The following USO1 variants were observed in gnomAD, a reference collection of about 807,000 sequenced individuals.
The protein encoded by USO1 is USO1 vesicle transport factor, also known as general vesicular transport factor p115.
In USO1, 57 loss-of-function variants were observed where a neutral mutation model predicts 124.5. The ratio of observed to expected loss-of-function variants is 0.46; its 90% CI spans 0.37 to 0.57. USO1 has a LOEUF of 0.57. USO1 is among the 20% of genes least tolerant of loss of function. USO1 has a pLI of 0.00. For synonymous variants in USO1, 369 were observed against 362.8 expected (o/e 1.02, Z -0.19); for missense variants, 900 against 1,040.6 (o/e 0.86, Z 1.86).
intron 4 of USO1, among the ~76,000 whole-genome samples, chr4:75,763,233 A>AC (rs1721672970): frequency 1.3e-5 from 2 of 152,212 alleles, no homozygotes; most frequent in African/African-American, 2.4e-5. Context: ...ACAGGCCTGA[A>AC]AACTATCCAG....
chr4:75,744,226 C>A (rs1314231511), intron 1 of USO1, among the ~76,000 whole-genome samples: 2 of 152,194 alleles, frequency 1.3e-5, no homozygotes, highest in African/African-American at 4.8e-5. Context: ...ATAAGTGTGG[C>A]AGCACTCTAG....
chr4:75,801,229 C>G (rs772320699), intron 17 of USO1, 29 bp downstream of exon 17: 4 of 1,526,588 alleles, frequency 2.6e-6, no homozygotes, highest in South Asian at 1.4e-5. Flanking sequence ...TATATACCCT[C>G]TGATTACCAA....
At chr4:75,806,045 G>A (rs892765063) in intron 19 of USO1, among the ~76,000 whole-genome samples, 8 of 151,946 alleles carry the variant, frequency 5.3e-5, no homozygotes, top group Non-Finnish European at 7.4e-5. Context: ...AGTCTGGAGC[G>A]CAGTGGCACA....
Position 75,813,605 on chromosome 4 carries a change from G to A in USO1, c.*310G>A, listed in dbSNP as rs1055065269. The A allele has an allele frequency of 2.1e-5, 4 of 187,834 alleles. No individual in the cohort carries two copies. 11.6% of individuals were successfully genotyped at this position (187,834 alleles called of 1,614,324 possible). The stretch of plus-strand genomic sequence containing the variant: ...CAATGCTATTTGCCTTAGTTCATTC[G>A]TTGTTTACTTTGCAAAATTTGTGAC... On this transcript the variant is annotated 3_prime_UTR_variant, in exon 24 of 24. Transcript: ENST00000514213.
chr4:75,799,921 C>T (rs1247211036), intron 14 of USO1, among the ~76,000 whole-genome samples, 189 bp downstream of exon 14: 4 of 150,190 alleles, frequency 2.7e-5, no homozygotes, highest in South Asian at 2.1e-4. Flanking sequence ...TGTTTTATGC[C>T]GGGTTGGAAT....
At chr4:75,787,892 T>C (rs958008975) in intron 10 of USO1, among the ~76,000 whole-genome samples, 4 of 152,034 alleles carry the variant, frequency 2.6e-5, no homozygotes, top group African/African-American at 9.7e-5. Flanking sequence ...TAAATATATA[T>C]TTTTCTCATC....
chr4:75,724,662 G>C lies in USO1; in HGVS notation c.-158G>C, dbSNP rs1393562391. On this transcript the variant is annotated 5_prime_UTR_variant, in exon 1 of 24. Coordinates refer to ENST00000514213, the MANE Select transcript of USO1 (RefSeq NM_003715.4). Reference sequence around the variant, plus strand: ...TGGCCGCTGCTGGCGGCTGTTTCCGGGCTTAGAGGGCTGGAGTGGCCGCCG... The same window carrying C: ...TGGCCGCTGCTGGCGGCTGTTTCCGCGCTTAGAGGGCTGGAGTGGCCGCCG... 1 of 673,758 alleles carries C rather than the reference G, an allele frequency of 1.5e-6. No homozygotes were observed. Among genetic ancestry groups the C allele is most frequent in the Non-Finnish European group, 2.5e-6 (1 of 400,550 alleles). The allele number at this position is 673,758 out of a possible 1,614,324, so 41.7% of individuals were successfully genotyped here.
At chr4:75,804,352 C>T (rs1722935513) in intron 18 of USO1, 80 bp downstream of exon 18, 1 of 1,479,560 alleles carries the variant, frequency 6.8e-7, no homozygotes, top group Non-Finnish European at 9.0e-7. Context: ...AAGATTCTTT[C>T]TGTGGACTAG....
intron 10 of USO1, among the ~76,000 whole-genome samples, chr4:75,788,792 T>C (rs894972864): frequency 1.3e-5 from 2 of 152,038 alleles, no homozygotes; most frequent in Non-Finnish European, 2.9e-5. Flanking sequence ...CTCAGCCTCG[T>C]GAAGTGCTAG....
At chr4:75,762,164 C>CTTTTTTTT (rs375866579) in intron 4 of USO1, among the ~76,000 whole-genome samples, 2 of 70,156 alleles carry the variant, frequency 2.9e-5, no homozygotes, top group African/African-American at 5.7e-5. Flanking sequence ...AACAATTTTA[C>CTTTTTTTT]TTTTTTTTTT....
chr4:75,776,466 A>G (rs1189665388), intron 8 of USO1, among the ~76,000 whole-genome samples: 3 of 152,208 alleles, frequency 2.0e-5, no homozygotes, highest in Non-Finnish European at 4.4e-5. Flanking sequence ...CTGGGAAAGC[A>G]GAGATGACCA....
At chr4:75,743,355 G>A (rs905837962) in intron 1 of USO1, among the ~76,000 whole-genome samples, 5 of 151,954 alleles carry the variant, frequency 3.3e-5, no homozygotes, top group Non-Finnish European at 5.9e-5. Context: ...TCATTGAGTC[G>A]GTTTTCCTAC....
chr4:75,792,846 C>G (rs1470190881), intron 12 of USO1, among the ~76,000 whole-genome samples: 1 of 152,176 alleles, frequency 6.6e-6, no homozygotes, highest in African/African-American at 2.4e-5. Context: ...CCCTGCCCTG[C>G]CTCTGATAAC....
intron 13 of USO1, among the ~76,000 whole-genome samples, chr4:75,795,514 C>G (rs1722653499): frequency 6.6e-6 from 1 of 152,066 alleles, no homozygotes; most frequent in African/African-American, 2.4e-5. Context: ...TTGTAAATGG[C>G]TCTCCAGTTT....
Position 75,787,095 on chromosome 4 carries a change from C to T in USO1, c.889C>T (p.Pro297Ser), listed in dbSNP as rs781751932. The T allele has an allele frequency of 5.6e-6, 9 of 1,606,428 alleles. No individual in the cohort carries two copies. The highest frequency in any genetic ancestry group is 6.8e-6 in the Non-Finnish European group (8 of 1,177,020). Reference protein sequence around the residue: ...VRVLVSPTNPPGATSSCQKAM... With the variant: ...VRVLVSPTNPSGATSSCQKAM... ...TGTATTGGTATCTCCCACCAACCCT[C>T]CTGGTGCTACCAGTAGCTGCCAGAA... The change falls in exon 10 of 24, where the codon CCT becomes TCT. Residue 297 changes from proline to serine, a missense_variant. This residue lies in a region of USO1 where 538 missense variants were observed against 681.6 expected (regional missense o/e 0.79). Transcript: ENST00000514213.
At chr4:75,752,687 C>CT (rs1221676572) in intron 3 of USO1, 83 bp downstream of exon 3, 94 of 389,854 alleles carry the variant, frequency 2.4e-4, no homozygotes, top group South Asian at 9.6e-4. Context: ...CAAAAGATTG[C>CT]TTTTTTTTTG....
At chr4:75,737,461 T>C (rs1412195321) in intron 1 of USO1, among the ~76,000 whole-genome samples, 1 of 152,196 alleles carries the variant, frequency 6.6e-6, no homozygotes, top group Non-Finnish European at 1.5e-5. Context: ...GGTCTTAAAA[T>C]TGATGGCTTC....
At chr4:75,729,878 A>G (rs1720579227) in intron 1 of USO1, 1 of 359,960 alleles carries the variant, frequency 2.8e-6, no homozygotes, top group African/African-American at 2.2e-5. Flanking sequence ...ACACAGCCAT[A>G]TTTTCTTTTA....
chr4:75,797,469 A>ATT (rs1722718480), intron 13 of USO1, among the ~76,000 whole-genome samples: 1 of 47,308 alleles, frequency 2.1e-5, no homozygotes, highest in Non-Finnish European at 4.4e-5. Flanking sequence ...GTGATCCATT[A>ATT]TTCTCTCTTT....
Sources: allele counts gnomAD v4.1 joint callset (sites outside exome capture counted in the v4.1 genomes callset), GRCh38; gene constraint gnomAD v4.1.1; regional missense constraint gnomAD v4.1.1; transcripts MANE v1.5; gene names NCBI Gene and HGNC (gene_info 2026-07-23, HGNC 2026-07-21).